Variants in TNFRSF10A observed in about 807,000 individuals in gnomAD.
TNFRSF10A encodes TNF receptor superfamily member 10a, also known as tumor necrosis factor receptor superfamily member 10A.
A neutral mutation model predicts 42.8 loss-of-function variants in TNFRSF10A; 44 were observed. The ratio of observed to expected loss-of-function variants is 1.03; its 90% CI spans 0.81 to 1.32. TNFRSF10A has a LOEUF of 1.32. TNFRSF10A is among the 40% of genes most tolerant of loss of function. The pLI is 0.00. For missense variants in TNFRSF10A, 680 were observed against 602.0 expected, an observed-to-expected ratio of 1.13 and a Z score of -1.36; for synonymous variants, 259 against 234.2, an observed-to-expected ratio of 1.11 and a Z score of -0.97.
In TNFRSF10A at chr8:23,201,795, G is replaced by C. The variant is rs376758016; in HGVS notation, c.629+13C>G. ...CTTTGAGGCTGCTGGGAGCCCCTTG[G>C]CTGTTGTCTCACCCTCTGCTGCACT... On this transcript the variant is annotated intron_variant, in intron 4 of 9. Coordinates refer to ENST00000221132, the MANE Select transcript of TNFRSF10A (RefSeq NM_003844.4). The C allele has an allele frequency of 5.0e-6, 8 of 1,612,730 alleles. No homozygotes were observed. Among genetic ancestry groups the C allele is most frequent in the Non-Finnish European group, 6.8e-6 (8 of 1,178,860 alleles).
chr8:23,211,095 TG>T (rs1166235861), intron 2 of TNFRSF10A, among the ~76,000 whole-genome samples: 2 of 152,168 alleles, frequency 1.3e-5, no homozygotes, highest in African/African-American at 4.8e-5. Flanking sequence ...GCATCCAGAT[TG>T]GAAAAGAAAA....
rs117184065 is a variant in TNFRSF10A, at chr8:23,212,704, C to A, written c.307-492G>T. ...TCTCTTTATGCCCTTTCTTTCAATT[C>A]TTTTGGATATATACCCCAAGGTAAA... On this transcript the variant is annotated intron_variant, in intron 1 of 9. Coordinates refer to ENST00000221132, the MANE Select transcript of TNFRSF10A (RefSeq NM_003844.4). Among the ~76,000 whole-genome samples the A allele has an allele frequency of 2.3e-3, 352 of 152,276 alleles. 12 individuals carry two copies. The East Asian group carries it at 0.065, about 28-fold the overall frequency.
chr8:23,221,065 C>T (rs1801249326), intron 1 of TNFRSF10A, among the ~76,000 whole-genome samples: 1 of 152,240 alleles, frequency 6.6e-6, no homozygotes, highest in South Asian at 2.1e-4. Flanking sequence ...CGCTCCACCC[C>T]ATTCCTTAGA....
intron 2 of TNFRSF10A, among the ~76,000 whole-genome samples, chr8:23,203,690 T>C (rs1043090099): frequency 3.0e-4 from 45 of 152,294 alleles, no homozygotes; most frequent in African/African-American, 1.1e-3. Flanking sequence ...CTTGATAATG[T>C]GTTACGATGA....
At chr8:23,200,030 C>A in intron 6 of TNFRSF10A, 113 bp from the exon 7 acceptor site, 2 of 1,368,850 alleles carry the variant, frequency 1.5e-6, no homozygotes, top group Non-Finnish European at 2.0e-6. Flanking sequence ...GGACAAAGAT[C>A]CCCGGGCCTG....
At chr8:23,216,998 A>T (rs549783986) in intron 1 of TNFRSF10A, among the ~76,000 whole-genome samples, 8 of 152,328 alleles carry the variant, frequency 5.3e-5, no homozygotes, top group African/African-American at 1.9e-4. Context: ...GGAATCTCCC[A>T]TAGATGTTGC....
chr8:23,197,271 C>T, intron 8 of TNFRSF10A, 67 bp from the exon 9 acceptor site: 3 of 1,588,740 alleles, frequency 1.9e-6, no homozygotes, highest in Non-Finnish European at 2.6e-6. Flanking sequence ...CTGACTCTGA[C>T]CATCAGCCAG....
Position 23,212,189 on chromosome 8 carries a change from G to T in TNFRSF10A, c.330C>A (p.Thr110=). Residue 110 remains threonine (T), a synonymous_variant, in exon 2 of 10, where the codon ACC becomes ACA. Coordinates refer to ENST00000221132, the MANE Select transcript of TNFRSF10A (RefSeq NM_003844.4). The stretch of plus-strand genomic sequence containing the variant: ...CAATTGATTGATCATGAAGTTTGAT[G>T]GTTGCAGCTGAGCTAGGTACGACCT... The part of the protein sequence containing the change: ...LLQVVPSSAA[T]IKLHDQSIGT... 1 of 1,613,606 alleles carries T rather than the reference G, an allele frequency of 6.2e-7. No individual in the cohort carries two copies. Among genetic ancestry groups the T allele is most frequent in the South Asian group, 1.1e-5 (1 of 91,062 alleles).
chr8:23,200,311 C>T (rs1379942796), intron 6 of TNFRSF10A, among the ~76,000 whole-genome samples, 194 bp downstream of exon 6: 1 of 152,106 alleles, frequency 6.6e-6, no homozygotes, highest in Non-Finnish European at 1.5e-5. Flanking sequence ...GACCCCCAGC[C>T]TTGGGAGAGG....
rs140442292 is a variant in TNFRSF10A at position 23,197,133 on chromosome 8, C to T, written c.1086G>A (p.Glu362=). Residue 362 remains glutamate (E), a splice_region_variant and synonymous_variant, in exon 9 of 10, where the codon GAG becomes GAA. Coordinates refer to ENST00000221132, the MANE Select transcript of TNFRSF10A (RefSeq NM_003844.4). ...LVPANGADPT[E]TLMLFFDKFA... is the part of the protein sequence containing the mutation. ...CATCTCCAGGAGCAAAACACTTACT[C>T]TCAGTGGGGTCAGCACCATTTGCTG... is the stretch of plus-strand genomic sequence containing the variant. The T allele has an allele frequency of 9.3e-6, 15 of 1,614,078 alleles. No individual in the cohort carries two copies. Among genetic ancestry groups the T allele is most frequent in the Admixed American group, 3.3e-5 (2 of 60,010 alleles).
chr8:23,199,913 A>G lies in TNFRSF10A; in HGVS notation c.804T>C (p.Cys268=), dbSNP rs773284656. Reference sequence around the variant, plus strand: ...TGTCCATGCACTTGGGGTCCCCTCCACAACCTAGAAGAGAAGACGGTTCCC... The same window carrying G: ...TGTCCATGCACTTGGGGTCCCCTCCGCAACCTAGAAGAGAAGACGGTTCCC... ...LIVCCCIGSG[C]GGDPKCMDRV... is the part of the protein sequence containing the mutation. The change falls in exon 7 of 10, where the codon TGT becomes TGC. Residue 268 remains cysteine (C), a synonymous_variant. Transcript: ENST00000221132. The G allele has an allele frequency of 1.9e-6, 3 of 1,614,060 alleles. No homozygotes were observed. Among genetic ancestry groups the G allele is most frequent in the Non-Finnish European group, 8.5e-7 (1 of 1,179,978 alleles).
intron 1 of TNFRSF10A, among the ~76,000 whole-genome samples, chr8:23,217,584 GACA>G (rs1801201740): frequency 1.3e-5 from 2 of 152,158 alleles, no homozygotes; most frequent in Non-Finnish European, 2.9e-5. Flanking sequence ...GTGAAAACCT[GACA>G]ACGAGCTCCT....
chr8:23,203,537 G>A (rs1800965737), intron 2 of TNFRSF10A, among the ~76,000 whole-genome samples: 1 of 152,168 alleles, frequency 6.6e-6, no homozygotes, highest in Non-Finnish European at 1.5e-5. Flanking sequence ...CTGGAGGCTC[G>A]ACCTTCACCT....
At chr8:23,223,077 C>G (rs1426283146) in intron 1 of TNFRSF10A, among the ~76,000 whole-genome samples, 3 of 151,790 alleles carry the variant, frequency 2.0e-5, no homozygotes, top group Non-Finnish European at 4.4e-5. Flanking sequence ...TATTTTTTTT[C>G]TTTTCCGAAA....
chr8:23,210,781 T>C (rs1801082849), intron 2 of TNFRSF10A, among the ~76,000 whole-genome samples: 1 of 152,150 alleles, frequency 6.6e-6, no homozygotes, highest in African/African-American at 2.4e-5. Context: ...CAAAATAAAT[T>C]GATGTAACAA....
intron 3 of TNFRSF10A, 59 bp downstream of exon 3, chr8:23,202,589 C>G (rs1421884320): frequency 2.1e-6 from 3 of 1,398,056 alleles, no homozygotes; most frequent in Admixed American, 1.7e-5. Context: ...CATTGGCTAC[C>G]ACTCCCACCT....
At chr8:23,209,667 A>G (rs553828876) in intron 2 of TNFRSF10A, among the ~76,000 whole-genome samples, 31 of 152,188 alleles carry the variant, frequency 2.0e-4, no homozygotes, top group Non-Finnish European at 4.0e-4. Context: ...GTTTTCGACA[A>G]TGTCACCCAT....
At chr8:23,199,991 G>A in intron 6 of TNFRSF10A, 74 bp from the exon 7 acceptor site, 1 of 1,588,826 alleles carries the variant, frequency 6.3e-7, no homozygotes, top group Non-Finnish European at 8.6e-7. Context: ...GGCAGTGTTG[G>A]GCAGGGGTGG....
At chr8:23,220,908 T>C (rs995427147) in intron 1 of TNFRSF10A, among the ~76,000 whole-genome samples, 1 of 152,170 alleles carries the variant, frequency 6.6e-6, no homozygotes, top group Non-Finnish European at 1.5e-5. Flanking sequence ...TCCTGCTCAC[T>C]CTTCAAACTG....
Sources: allele counts gnomAD v4.1 joint callset (sites outside exome capture counted in the v4.1 genomes callset), GRCh38; gene constraint gnomAD v4.1.1; transcripts MANE v1.5; gene names NCBI Gene and HGNC (gene_info 2026-07-23, HGNC 2026-07-21).